CTNNA3: variants seen among roughly 807,000 people sequenced by gnomAD.
CTNNA3 encodes catenin alpha 3, also known as catenin alpha-3.
CTNNA3 carries 76 observed loss-of-function variants against 95.7 expected under a neutral mutation model. The ratio of observed to expected loss-of-function variants is 0.79; its 90% CI spans 0.66 to 0.96. The LOEUF is 0.96. CTNNA3 is among the 40% of genes least tolerant of loss of function. The pLI is 0.00. For missense variants in CTNNA3, 1,191 were observed against 1,089.8 expected (o/e 1.09, Z -1.31); for synonymous variants, 431 against 374.4 (o/e 1.15, Z -1.74).
chr10:66,702,737 GTA>G, intron 9 of CTNNA3, among the ~76,000 whole-genome samples: 1 of 111,086 alleles, frequency 9.0e-6, no homozygotes. Context: ...AGAATAAGTA[GTA>G]GTAGTAGTAG....
rs950041965 is a variant in CTNNA3 at position 66,157,507 on chromosome 10, A to G, written c.1885-54258T>C. On this transcript the variant is annotated intron_variant, in intron 13 of 17. Coordinates refer to ENST00000433211, the MANE Select transcript of CTNNA3 (RefSeq NM_013266.4). ...GATAGATATGTAGATAGATAGATAGATAGATAGATAGATAGATAGATAGAT... is the reference window on the plus strand; with the variant it reads ...GATAGATATGTAGATAGATAGATAGGTAGATAGATAGATAGATAGATAGAT... 8.7e-4 allele frequency among the ~76,000 whole-genome samples: 73 copies of G among 84,282 alleles called. 1 individual carries two copies. The highest frequency in any genetic ancestry group is 1.9e-3 in the African/African-American group (49 of 25,728). The allele number at this position is 84,282 out of a possible 152,430, so 55.3% of individuals were successfully genotyped here. A position where few individuals can be genotyped will look rare whatever the true frequency, so the allele number is the denominator to read the frequency against.
At chr10:66,258,788 TC>T (rs372114050) in intron 13 of CTNNA3, among the ~76,000 whole-genome samples, 77 of 152,162 alleles carry the variant, frequency 5.1e-4, no homozygotes, top group African/African-American at 1.8e-3. Flanking sequence ...ATATTAACCC[TC>T]CTGGGATCTT....
At chr10:66,777,820 C>G (rs1262863883) in intron 7 of CTNNA3, among the ~76,000 whole-genome samples, 1 of 150,724 alleles carries the variant, frequency 6.6e-6, no homozygotes, top group Admixed American at 6.6e-5. Flanking sequence ...CACACACACA[C>G]AGTATCAGGA....
chr10:67,551,346 C>CG (rs1841025154), intron 3 of CTNNA3, among the ~76,000 whole-genome samples: 1 of 152,058 alleles, frequency 6.6e-6, no homozygotes, highest in Non-Finnish European at 1.5e-5. Context: ...ACTGGGCAGT[C>CG]GGAGAAGAGT....
At chr10:67,698,778 C>T (rs182814652), upstream of CTNNA3, among the ~76,000 whole-genome samples, 1 of 151,960 alleles carries the variant, frequency 6.6e-6, no homozygotes. Context: ...ACTTCTGGCA[C>T]CTTGTCAGGT....
intron 3 of CTNNA3, among the ~76,000 whole-genome samples, chr10:67,551,854 C>G (rs7078650): frequency 0.16 from 23,881 of 152,130 alleles, 4,415 homozygotes; most frequent in African/African-American, 0.45. Flanking sequence ...CCAAATGCCT[C>G]CCTCAGGGAT....
At chr10:67,323,435 G>T (rs900042688) in intron 5 of CTNNA3, among the ~76,000 whole-genome samples, 7 of 152,240 alleles carry the variant, frequency 4.6e-5, no homozygotes, top group African/African-American at 1.7e-4. Context: ...TTAGCATATG[G>T]CTAGCCAGTT....
chr10:66,165,693 C>T (rs919508577), intron 13 of CTNNA3, among the ~76,000 whole-genome samples: 1 of 151,890 alleles, frequency 6.6e-6, no homozygotes, highest in African/African-American at 2.4e-5. Flanking sequence ...AGTATTATTA[C>T]CATCTTATTA....
chr10:67,712,275 A>G (rs913192155), intron 1 of CTNNA3, among the ~76,000 whole-genome samples: 2 of 152,260 alleles, frequency 1.3e-5, no homozygotes, highest in Admixed American at 6.5e-5. Context: ...GCCTGACAAT[A>G]TGATAGAAAA....
At chr10:67,613,319 G>A (rs1428894744) in intron 2 of CTNNA3, among the ~76,000 whole-genome samples, 2 of 151,068 alleles carry the variant, frequency 1.3e-5, no homozygotes, top group Admixed American at 6.6e-5. Context: ...GACTCATCCT[G>A]AAAACACAGA....
rs941119797 is a variant in CTNNA3 at position 66,664,528 on chromosome 10, G to C, written c.1282-42744C>G. On this transcript the variant is annotated intron_variant, in intron 9 of 17. Coordinates refer to ENST00000433211, the MANE Select transcript of CTNNA3 (RefSeq NM_013266.4). ...GATGAAGCTAGCCTAGTAGTTGTGA[G>C]CCTTGTCAGGCCCTTTGGGAAATGA... 5.6e-4 allele frequency among the ~76,000 whole-genome samples: 85 copies of C among 152,182 alleles called. 2 individuals carry two copies. In the East Asian group the frequency reaches 0.015, roughly 26 times the overall value.
chr10:67,153,945 G>T (rs895183541), intron 7 of CTNNA3, among the ~76,000 whole-genome samples: 3 of 151,796 alleles, frequency 2.0e-5, no homozygotes, highest in African/African-American at 7.3e-5. Flanking sequence ...GATTATATTT[G>T]CCAACCATTT....
At chr10:67,346,268 C>A (rs536932256) in intron 5 of CTNNA3, among the ~76,000 whole-genome samples, 7 of 152,268 alleles carry the variant, frequency 4.6e-5, no homozygotes, top group African/African-American at 1.4e-4. Context: ...TTATGCACCA[C>A]AATTACAGTG....
chr10:66,081,972 G>A (rs545171471), intron 14 of CTNNA3, among the ~76,000 whole-genome samples: 3 of 151,960 alleles, frequency 2.0e-5, no homozygotes, highest in Non-Finnish European at 4.4e-5. Flanking sequence ...CAAAAAATTA[G>A]CTGGGCATGG....
At chr10:66,736,773 T>C (rs1849158162) in intron 9 of CTNNA3, among the ~76,000 whole-genome samples, 1 of 152,136 alleles carries the variant, frequency 6.6e-6, no homozygotes, top group Non-Finnish European at 1.5e-5. Flanking sequence ...TACAGCATTC[T>C]TGCAGTGTTT....
At chr10:66,466,339 TAC>T (rs143601111) in intron 11 of CTNNA3, among the ~76,000 whole-genome samples, 4,014 of 141,694 alleles carry the variant, frequency 0.028, 66 homozygotes, top group Middle Eastern at 0.036. Flanking sequence ...CACCCACCTA[TAC>T]ACACACACAC....
intron 3 of CTNNA3, among the ~76,000 whole-genome samples, chr10:67,594,833 G>A (rs972749780): frequency 9.9e-5 from 15 of 152,092 alleles, no homozygotes; most frequent in Admixed American, 4.6e-4. Context: ...CCCATCACTC[G>A]AGCAGTATAC....
At chr10:66,576,240 A>G (rs1419905322) in intron 10 of CTNNA3, among the ~76,000 whole-genome samples, 4 of 152,134 alleles carry the variant, frequency 2.6e-5, no homozygotes, top group African/African-American at 9.7e-5. Flanking sequence ...CATCTCACCT[A>G]AGATTCTGAT....
chr10:66,858,565 T>C (rs1002518406), intron 7 of CTNNA3, among the ~76,000 whole-genome samples: 2 of 152,102 alleles, frequency 1.3e-5, no homozygotes, highest in Admixed American at 1.3e-4. Flanking sequence ...TTTTTGTTAA[T>C]GATTCAATTT....
Sources: allele counts gnomAD v4.1 joint callset (sites outside exome capture counted in the v4.1 genomes callset), GRCh38; gene constraint gnomAD v4.1.1; transcripts MANE v1.5; gene names NCBI Gene and HGNC (gene_info 2026-07-23, HGNC 2026-07-21).